The following SVEP1 variants were observed in gnomAD, a reference collection of about 807,000 sequenced individuals.
SVEP1 encodes the protein sushi, von Willebrand factor type A, EGF and pentraxin domain-containing protein 1.
SVEP1 carries 164 observed loss-of-function variants against 367.3 expected under a neutral mutation model. The observed-to-expected ratio is 0.45, with a 90% CI of 0.39 to 0.51. The LOEUF is 0.51. Ranked by LOEUF, SVEP1 falls within the 20% of genes least tolerant of loss-of-function variation. SVEP1 has a pLI of 0.00. For synonymous variants in SVEP1, 1,666 were observed against 1,611.6 expected, an observed-to-expected ratio of 1.03 and a Z score of -0.81; for missense variants, 4,117 against 4,425.3, an observed-to-expected ratio of 0.93 and a Z score of 1.98.
At chr9:110,430,247 G>C in intron 33 of SVEP1, 27 bp downstream of exon 33, 1 of 1,594,390 alleles carries the variant, frequency 6.3e-7, no homozygotes, top group Non-Finnish European at 8.6e-7. Flanking sequence ...CCAAACATAA[G>C]AAACGTGGTA....
At chr9:110,462,619 G>C (rs1564149702) in intron 18 of SVEP1, among the ~76,000 whole-genome samples, 1 of 151,220 alleles carries the variant, frequency 6.6e-6, no homozygotes, top group African/African-American at 2.4e-5. Flanking sequence ...CATGAGAAAA[G>C]AGGGGTGAAT....
Position 110,496,950 on chromosome 9 carries a change from C to A in SVEP1, c.1682-17G>T. The A allele has an allele frequency of 6.7e-7, 1 of 1,484,420 alleles. No homozygotes were observed. The highest frequency in any genetic ancestry group is 9.2e-7 in the Non-Finnish European group (1 of 1,091,022). The allele number at this position is 1,484,420 out of a possible 1,614,324, so 92.0% of individuals were successfully genotyped here. A position where few individuals can be genotyped will look rare whatever the true frequency, so the allele number is the denominator to read the frequency against. On this transcript the variant is annotated splice_polypyrimidine_tract_variant and intron_variant, in intron 7 of 47. Transcript: ENST00000374469. ...CCTCCACGTCTAACTCAGAAAAATACACAAGTAGATTAATACACTGATATG... is the reference window on the plus strand; with the variant it reads ...CCTCCACGTCTAACTCAGAAAAATAAACAAGTAGATTAATACACTGATATG...
At chr9:110,568,917 T>C (rs781079293) in intron 1 of SVEP1, among the ~76,000 whole-genome samples, 36 of 150,914 alleles carry the variant, frequency 2.4e-4, no homozygotes, top group Admixed American at 9.9e-4. Context: ...CTGGGCAACA[T>C]GGCAAAACCC....
chr9:110,378,999 T>A (rs1266540728), intron 44 of SVEP1, among the ~76,000 whole-genome samples: 1 of 152,144 alleles, frequency 6.6e-6, no homozygotes, highest in Non-Finnish European at 1.5e-5. Context: ...CTGTGTGTAC[T>A]AGCGTACTTC....
chr9:110,566,975 A>T (rs1422928240), intron 1 of SVEP1, among the ~76,000 whole-genome samples: 2 of 152,322 alleles, frequency 1.3e-5, no homozygotes, highest in Non-Finnish European at 2.9e-5. Context: ...AAGTGATCTG[A>T]AGGATGAATT....
chr9:110,536,137 G>A (rs1830076307), intron 3 of SVEP1, among the ~76,000 whole-genome samples: 1 of 151,948 alleles, frequency 6.6e-6, no homozygotes, highest in Non-Finnish European at 1.5e-5. Context: ...TCAATATCAA[G>A]TTTATTAAGA....
At chr9:110,534,979 T>C (rs1830062311) in intron 3 of SVEP1, among the ~76,000 whole-genome samples, 1 of 152,190 alleles carries the variant, frequency 6.6e-6, no homozygotes, top group South Asian at 2.1e-4. Flanking sequence ...GTCTGTTTAG[T>C]CTGTTGATAG....
intron 1 of SVEP1, among the ~76,000 whole-genome samples, chr9:110,573,748 A>C (rs1174006118): frequency 6.6e-6 from 1 of 152,222 alleles, no homozygotes; most frequent in East Asian, 1.9e-4. Flanking sequence ...ACTTACAAAC[A>C]CATGGCAGGA....
At position 110,533,887 on chromosome 9, in the gene SVEP1, C is replaced by A. The variant is rs188474106; in HGVS notation, c.964+12228G>T. Among the ~76,000 whole-genome samples the A allele has an allele frequency of 2.0e-5, 3 of 152,034 alleles. No homozygotes were observed. The East Asian group carries it at 5.8e-4, about 29-fold the overall frequency. ...AAGCAACTGTTTATTGAAAATATAA[C>A]CTGGAAATAGCAGCAAAATATTTCT... On this transcript the variant is annotated intron_variant, in intron 3 of 47. Transcript: ENST00000374469.
intron 40 of SVEP1, among the ~76,000 whole-genome samples, chr9:110,392,151 A>ATATATATATATATATATATAATC (rs1308038317): frequency 6.8e-6 from 1 of 146,024 alleles, no homozygotes; most frequent in African/African-American, 2.7e-5. Context: ...ATATATATAT[A>ATATATATATATATATATATAATC]TATCTCTTCT....
At chr9:110,542,965 T>TAAAA (rs1554722331) in intron 3 of SVEP1, among the ~76,000 whole-genome samples, 2 of 141,680 alleles carry the variant, frequency 1.4e-5, no homozygotes, top group Admixed American at 1.4e-4. Context: ...AAAGTATAAT[T>TAAAA]AAAAAAAAAT....
chr9:110,524,715 T>G (rs1002697305), intron 3 of SVEP1, among the ~76,000 whole-genome samples: 6 of 146,626 alleles, frequency 4.1e-5, no homozygotes, highest in African/African-American at 1.5e-4. Flanking sequence ...TTATTATTAT[T>G]ACTTTTTTTT....
intron 45 of SVEP1, 62 bp downstream of exon 45, chr9:110,377,209 C>A (rs2274485): frequency 2.4e-5 from 36 of 1,499,156 alleles, no homozygotes; most frequent in Non-Finnish European, 2.9e-5. Context: ...GGTAACTCCC[C>A]TCAGGTGGGA....
Position 110,387,440 on chromosome 9 carries a change from G to A in SVEP1, c.9905C>T (p.Pro3302Leu). Residue 3302 changes from proline (P) to leucine (L), a missense_variant, in exon 42 of 48, where the codon CCA becomes CTA. Physicochemically the swap from Pro to Leu is moderately conservative, Grantham distance 98. Around this residue, in one of 4 missense-constraint regions of SVEP1, gnomAD observed 1,765 missense variants for 1,781.1 expected, o/e 0.99. Coordinates refer to ENST00000374469, the MANE Select transcript of SVEP1 (RefSeq NM_153366.4). ...AICKETRCET[P>L]LEFLNGKADI... is the part of the protein sequence containing the mutation. Reference sequence around the variant, plus strand: ...AGCTTTCCCATTGAGAAATTCAAGTGGAGTTTCACACCTGGTCTCTAAAAA... The same window carrying A: ...AGCTTTCCCATTGAGAAATTCAAGTAGAGTTTCACACCTGGTCTCTAAAAA... The A allele has an allele frequency of 6.2e-7, 1 of 1,609,258 alleles. No homozygotes were observed. Among genetic ancestry groups the A allele is most frequent in the South Asian group, 1.1e-5 (1 of 89,964 alleles).
chr9:110,412,560 A>C (rs1194133674), intron 36 of SVEP1, among the ~76,000 whole-genome samples: 2 of 152,084 alleles, frequency 1.3e-5, no homozygotes, highest in African/African-American at 4.8e-5. Flanking sequence ...TAATTAAACT[A>C]AAGAGCTTCT....
intron 40 of SVEP1, among the ~76,000 whole-genome samples, chr9:110,393,193 G>A (rs1467451525): frequency 2.6e-5 from 4 of 152,038 alleles, no homozygotes; most frequent in Non-Finnish European, 4.4e-5. Flanking sequence ...TAAATTGCAA[G>A]ATTAATATTC....
chr9:110,459,820 G>C (rs1003093522), intron 18 of SVEP1, among the ~76,000 whole-genome samples: 4 of 152,020 alleles, frequency 2.6e-5, no homozygotes, highest in African/African-American at 9.7e-5. Flanking sequence ...AACGGAATTA[G>C]TTATTTTAAT....
chr9:110,397,513 G>A (rs1827783485), intron 40 of SVEP1, among the ~76,000 whole-genome samples: 1 of 152,110 alleles, frequency 6.6e-6, no homozygotes, highest in African/African-American at 2.4e-5. Context: ...GCAGGAGAAG[G>A]AAATAAAGGA....
chr9:110,563,470 C>T (rs1170742792), intron 1 of SVEP1, among the ~76,000 whole-genome samples: 5 of 152,060 alleles, frequency 3.3e-5, no homozygotes, highest in Non-Finnish European at 4.4e-5. Flanking sequence ...TTAGTAAAGA[C>T]TTTTAATGGT....
Sources: gnomAD v4.1 joint callset for allele counts (sites outside exome capture counted in the v4.1 genomes callset) on GRCh38, gnomAD v4.1.1 for gene constraint, gnomAD v4.1.1 regional missense constraint, MANE v1.5 for transcripts, NCBI Gene and HGNC (gene_info 2026-07-23, HGNC 2026-07-21) for gene names.